The following DENND1A variants were observed in gnomAD, a reference collection of about 807,000 sequenced individuals.
The protein encoded by DENND1A is DENN domain-containing protein 1A.
In DENND1A, 51 loss-of-function variants were observed where a neutral mutation model predicts 113.7. That is an observed-to-expected ratio of 0.45 (90% CI 0.36 to 0.57). DENND1A has a LOEUF of 0.57. DENND1A is among the 20% of genes least tolerant of loss of function. The pLI is 0.00. For synonymous variants in DENND1A, 565 were observed against 570.8 expected, an observed-to-expected ratio of 0.99 and a Z score of 0.14; for missense variants, 1,258 against 1,395.9, an observed-to-expected ratio of 0.90 and a Z score of 1.57.
intron 3 of DENND1A, among the ~76,000 whole-genome samples, chr9:123,790,013 CTGTGTGGTAATAAGTGCTATACTT>C (rs1198272487): frequency 6.6e-6 from 1 of 151,178 alleles, no homozygotes; most frequent in African/African-American, 2.4e-5. Context: ...GTCTGTGTGT[CTGTGTGGTAATAAGTGCTATACTT>C]TGTGGTGAAT....
intron 13 of DENND1A, among the ~76,000 whole-genome samples, chr9:123,513,344 C>G (rs1375094268): frequency 6.6e-6 from 1 of 152,256 alleles, no homozygotes; most frequent in Non-Finnish European, 1.5e-5. Flanking sequence ...TCTAAGTCCT[C>G]TTTATACGTC....
intron 21 of DENND1A, among the ~76,000 whole-genome samples, chr9:123,396,148 G>C (rs1408171953): frequency 6.6e-6 from 1 of 152,096 alleles, no homozygotes; most frequent in Non-Finnish European, 1.5e-5. Context: ...GGCCAGGAGG[G>C]AGGCCACGCG....
intron 13 of DENND1A, among the ~76,000 whole-genome samples, chr9:123,460,747 C>T (rs1195406238): frequency 2.0e-5 from 3 of 152,204 alleles, no homozygotes; most frequent in African/African-American, 4.8e-5. Context: ...TCTCCTGTTT[C>T]GTCCCTCTTC....
At chr9:123,390,349 C>T (rs1251866428) in intron 21 of DENND1A, among the ~76,000 whole-genome samples, 4 of 152,208 alleles carry the variant, frequency 2.6e-5, no homozygotes, top group Non-Finnish European at 5.9e-5. Context: ...GGCTGTGGTA[C>T]AAAAGTGCTC....
chr9:123,583,258 T>A lies in DENND1A; in HGVS notation c.778A>T (p.Met260Leu). ...HLSLMEKVRN[M>L]ALDDVVILNV... is the part of the protein sequence containing the mutation. ...AGGATCACGACATCATCCAGGGCCA[T>A]GTTTCTGACTTTCTGCAAGGAGAAA... The change falls in exon 12 of 24, where the codon ATG becomes TTG. Residue 260 changes from methionine (M) to leucine (L), a missense_variant. By Grantham distance (15) the Met-to-Leu change is conservative. Transcript: ENST00000394215. 6.2e-7 allele frequency: 1 copy of A among 1,611,180 alleles called. No individual in the cohort carries two copies. The highest frequency in any genetic ancestry group is 2.2e-5 in the East Asian group (1 of 44,724).
chr9:123,740,742 T>G (rs762449998), intron 5 of DENND1A, among the ~76,000 whole-genome samples: 2 of 152,186 alleles, frequency 1.3e-5, no homozygotes, highest in Non-Finnish European at 2.9e-5. Flanking sequence ...ACAGGTTATA[T>G]GATTTGTCAC....
chr9:123,728,293 C>G (rs1321049449), intron 5 of DENND1A, among the ~76,000 whole-genome samples: 8 of 151,398 alleles, frequency 5.3e-5, no homozygotes, highest in Non-Finnish European at 8.8e-5. Flanking sequence ...GTCTGACCAA[C>G]ATGGAGAAAC....
chr9:123,894,284 A>C (rs1850373456), intron 1 of DENND1A, among the ~76,000 whole-genome samples: 1 of 152,236 alleles, frequency 6.6e-6, no homozygotes, highest in Non-Finnish European at 1.5e-5. Flanking sequence ...GAACTGTGAT[A>C]TACTCAAATG....
intron 9 of DENND1A, among the ~76,000 whole-genome samples, chr9:123,646,121 A>T (rs2062309354): frequency 6.6e-6 from 1 of 152,228 alleles, no homozygotes. Context: ...TTCCCATTAT[A>T]GAATTTATTA....
intron 19 of DENND1A, among the ~76,000 whole-genome samples, chr9:123,425,457 C>T (rs917939921): frequency 5.9e-5 from 9 of 152,264 alleles, no homozygotes; most frequent in East Asian, 5.8e-4. Flanking sequence ...TTCTAAAGCG[C>T]GTGCAGGCGC....
chr9:123,785,943 C>A (rs1026572422), intron 3 of DENND1A, among the ~76,000 whole-genome samples: 1 of 152,148 alleles, frequency 6.6e-6, no homozygotes, highest in African/African-American at 2.4e-5. Flanking sequence ...CCAGGCACTG[C>A]GGCTTACACC....
At chr9:123,866,700 A>G (rs1221083197) in intron 2 of DENND1A, among the ~76,000 whole-genome samples, 1 of 152,204 alleles carries the variant, frequency 6.6e-6, no homozygotes, top group African/African-American at 2.4e-5. Context: ...GGTTTGTACC[A>G]CTTCCTGTGC....
In DENND1A at chr9:123,842,839, A is replaced by C. The variant is rs1003959160; in HGVS notation, c.88+36112T>G. On this transcript the variant is annotated intron_variant, in intron 2 of 23. Transcript: ENST00000394215. ...AAAACTAAAAATGCAAAAATACTCA[A>C]TATATTAATACTAGCAAACCAAATC... is the stretch of plus-strand genomic sequence containing the variant. 2.6e-5 allele frequency among the ~76,000 whole-genome samples: 4 copies of C among 152,294 alleles called. No homozygotes were observed. In the East Asian group the frequency reaches 7.7e-4, roughly 29 times the overall value.
chr9:123,463,631 CAGG>C (rs1303028988), intron 13 of DENND1A, among the ~76,000 whole-genome samples: 5 of 152,100 alleles, frequency 3.3e-5, no homozygotes, highest in African/African-American at 1.2e-4. Flanking sequence ...TAATGTCGGC[CAGG>C]AGTAGTGGTT....
intron 11 of DENND1A, among the ~76,000 whole-genome samples, chr9:123,596,082 T>C (rs530691252): frequency 4.4e-4 from 67 of 152,312 alleles, no homozygotes; most frequent in African/African-American, 1.4e-3. Context: ...TGCGATGATA[T>C]GGCAGAGCAC....
At chr9:123,628,663 G>A (rs937881156) in intron 10 of DENND1A, among the ~76,000 whole-genome samples, 7 of 152,200 alleles carry the variant, frequency 4.6e-5, no homozygotes, top group African/African-American at 1.4e-4. Flanking sequence ...ACCCACTCAA[G>A]AAGGGATGAA....
chr9:123,689,000 C>T (rs149043431), intron 5 of DENND1A, among the ~76,000 whole-genome samples: 24 of 152,278 alleles, frequency 1.6e-4, no homozygotes, highest in African/African-American at 5.8e-4. Flanking sequence ...AACCTCCTGG[C>T]AGAAATATGT....
At chr9:123,892,591 T>A (rs916344222) in intron 1 of DENND1A, among the ~76,000 whole-genome samples, 2 of 152,070 alleles carry the variant, frequency 1.3e-5, no homozygotes, top group Non-Finnish European at 2.9e-5. Context: ...AGCATCAGGG[T>A]AAATAGCTAA....
intron 5 of DENND1A, among the ~76,000 whole-genome samples, chr9:123,754,330 T>A (rs1173813823): frequency 2.0e-5 from 3 of 152,210 alleles, no homozygotes; most frequent in Admixed American, 1.3e-4. Flanking sequence ...TCCATTTACA[T>A]GCTAGTCTCA....
Sources: allele counts gnomAD v4.1 joint callset (sites outside exome capture counted in the v4.1 genomes callset), GRCh38; gene constraint gnomAD v4.1.1; transcripts MANE v1.5; gene names NCBI Gene and HGNC (gene_info 2026-07-23, HGNC 2026-07-21).